DCP2: variants seen among roughly 807,000 people sequenced by gnomAD.
DCP2 encodes decapping mRNA 2.
Under a neutral mutation model 56.1 loss-of-function variants are expected in DCP2, and 30 were observed. That is an observed-to-expected ratio of 0.53 (90% CI 0.40 to 0.73). The LOEUF (loss-of-function observed/expected upper bound fraction) is 0.73, where lower values mean the gene tolerates loss of function less well. Ranked by LOEUF, DCP2 falls within the 30% of genes least tolerant of loss-of-function variation. The pLI is 0.00. For missense variants in DCP2, 533 were observed against 502.7 expected (o/e 1.06, Z -0.58); for synonymous variants, 197 against 163.3 (o/e 1.21, Z -1.57).
rs1749857763 is a variant in DCP2, at chr5:113,015,690, A to C, written c.*2206A>C. The C allele has an allele frequency of 6.6e-6, 1 of 152,664 alleles. No homozygotes were observed. The highest frequency in any genetic ancestry group is 2.4e-5 in the African/African-American group (1 of 41,464). 9.5% of individuals were successfully genotyped at this position (152,664 alleles called of 1,614,324 possible). On this transcript the variant is annotated 3_prime_UTR_variant, in exon 11 of 11. Transcript: ENST00000389063. ...AAAAAATGTTAAAAGATGTGAGTTA[A>C]AGTTTATGTGTGTGATGTGACTTAA...
At chr5:112,984,722 A>ATATATATT (rs1328543744) in intron 1 of DCP2, 7 of 134,318 alleles carry the variant, frequency 5.2e-5, no homozygotes, top group African/African-American at 1.8e-4. Context: ...ATATATATAT[A>ATATATATT]TATTTGAGAC....
Position 112,997,928 on chromosome 5 carries a change from T to A in DCP2, c.433-3156T>A, listed in dbSNP as rs1399824087. On this transcript the variant is annotated intron_variant, in intron 4 of 10. Transcript: ENST00000389063. ...GAGCCTGGCCCTTTGGGTAACACTT[T>A]AAAAAAAATTTTATTTGTGGATTTT... Among the ~76,000 whole-genome samples the A allele has an allele frequency of 3.9e-5, 6 of 152,062 alleles. No individual in the cohort carries two copies. The East Asian group carries it at 1.2e-3, about 29-fold the overall frequency.
At position 113,014,524 on chromosome 5, in the gene DCP2, C is replaced by T. The variant is rs1375336571; in HGVS notation, c.*1040C>T. On this transcript the variant is annotated 3_prime_UTR_variant, in exon 11 of 11. Coordinates refer to ENST00000389063, the MANE Select transcript of DCP2 (RefSeq NM_152624.6). Reference sequence around the variant, plus strand: ...TTACCCAAGTCCAAATAAAGCATTTCACTAGGTTACACGTTATGTATATGT... The same window carrying T: ...TTACCCAAGTCCAAATAAAGCATTTTACTAGGTTACACGTTATGTATATGT... 2 of 152,602 alleles carry T rather than the reference C, an allele frequency of 1.3e-5. No individual in the cohort carries two copies. The highest frequency in any genetic ancestry group is 4.8e-5 in the African/African-American group (2 of 41,432). The allele number at this position is 152,602 out of a possible 1,614,324, so 9.5% of individuals were successfully genotyped here.
At chr5:112,999,220 T>C (rs757617587) in intron 4 of DCP2, among the ~76,000 whole-genome samples, 1 of 152,366 alleles carries the variant, frequency 6.6e-6, no homozygotes, top group East Asian at 1.9e-4. Context: ...TGACTAGCTA[T>C]GTATACTTAT....
At chr5:112,981,668 G>C (rs540462608) in intron 1 of DCP2, among the ~76,000 whole-genome samples, 1 of 152,260 alleles carries the variant, frequency 6.6e-6, no homozygotes, top group South Asian at 2.1e-4. Context: ...TGAATTCTCC[G>C]TTCTTATATC....
At chr5:112,983,048 T>A (rs1748084648) in intron 1 of DCP2, among the ~76,000 whole-genome samples, 2 of 152,192 alleles carry the variant, frequency 1.3e-5, no homozygotes, top group Admixed American at 1.3e-4. Context: ...TGTTGATTAA[T>A]CAAGTTGGGC....
chr5:112,991,166 G>C (rs1403290232), intron 2 of DCP2, among the ~76,000 whole-genome samples: 2 of 152,092 alleles, frequency 1.3e-5, no homozygotes, highest in Non-Finnish European at 2.9e-5. Flanking sequence ...TGGTCATCTA[G>C]ATAATTGAAT....
chr5:112,991,648 G>T (rs556497753), intron 2 of DCP2, among the ~76,000 whole-genome samples: 6 of 152,078 alleles, frequency 3.9e-5, no homozygotes, highest in African/African-American at 1.4e-4. Context: ...TGATGTGATA[G>T]TTTCTTTCTC....
chr5:112,990,150 T>C lies in DCP2; in HGVS notation c.206-1971T>C, dbSNP rs985320311. On this transcript the variant is annotated intron_variant, in intron 2 of 10. Coordinates refer to ENST00000389063, the MANE Select transcript of DCP2 (RefSeq NM_152624.6). ...TGTAGGGAATTGATGGGTTCTGTTA[T>C]GGGCCAGTTGAGTTGATGGTACATG... is the stretch of plus-strand genomic sequence containing the variant. Among the ~76,000 whole-genome samples the C allele has an allele frequency of 2.0e-5, 3 of 152,194 alleles. No homozygotes were observed. The East Asian group carries it at 5.8e-4, about 29-fold the overall frequency.
At position 113,016,088 on chromosome 5, in the gene DCP2, T is replaced by TC. The variant is rs1250790277; in HGVS notation, c.*2604_*2605insC. ...GCAGTGCACTGTGAATCTTTTATTTTTAAAAAAATTTGTAGGTGCTTTTAT... is the reference window on the plus strand; with the variant it reads ...GCAGTGCACTGTGAATCTTTTATTTTCTAAAAAAATTTGTAGGTGCTTTTAT... On this transcript the variant is annotated 3_prime_UTR_variant, in exon 11 of 11. Coordinates refer to ENST00000389063, the MANE Select transcript of DCP2 (RefSeq NM_152624.6). The TC allele has an allele frequency of 2.0e-5, 3 of 152,786 alleles. No individual in the cohort carries two copies. The highest frequency in any genetic ancestry group is 2.9e-5 in the Non-Finnish European group (2 of 68,024). 9.5% of individuals were successfully genotyped at this position (152,786 alleles called of 1,614,324 possible).
At position 113,010,623 on chromosome 5, in the gene DCP2, A is replaced by G. The variant is rs111874665; in HGVS notation, c.1048-133A>G. On this transcript the variant is annotated intron_variant, in intron 9 of 10. Coordinates refer to ENST00000389063, the MANE Select transcript of DCP2 (RefSeq NM_152624.6). ...ACAAAAATACTGGTGAGAGAATGGGATGATGATTATATTCCTGGTTCAGTT... is the reference window on the plus strand; with the variant it reads ...ACAAAAATACTGGTGAGAGAATGGGGTGATGATTATATTCCTGGTTCAGTT... 475 of 1,057,314 alleles carry G rather than the reference A, an allele frequency of 4.5e-4. 2 individuals are homozygous for G. The African/African-American group carries it at 6.9e-3, about 15-fold the overall frequency. 65.5% of individuals were successfully genotyped at this position (1,057,314 alleles called of 1,614,324 possible). A position where few individuals can be genotyped will look rare whatever the true frequency, so the allele number is the denominator to read the frequency against.
chr5:112,986,312 G>A (rs1041980411), intron 2 of DCP2, among the ~76,000 whole-genome samples: 1 of 151,084 alleles, frequency 6.6e-6, no homozygotes, highest in African/African-American at 2.4e-5. Flanking sequence ...TCAGATTACT[G>A]CCTTTCTGAT....
At chr5:113,000,858 C>CTGGT (rs1441667658) in intron 4 of DCP2, among the ~76,000 whole-genome samples, 2 of 152,176 alleles carry the variant, frequency 1.3e-5, no homozygotes, top group African/African-American at 4.8e-5. Context: ...CTACAGTGGA[C>CTGGT]TGGTTCTCTA....
At position 113,019,514 on chromosome 5, in the gene DCP2, G is replaced by C. The variant is rs1055988542; in HGVS notation, c.*6030G>C. ...CACAAGTAATCATTTAATGTTAAATGCAAGTGTCCAAAGAAATGAGTCTTA... is the reference window on the plus strand; with the variant it reads ...CACAAGTAATCATTTAATGTTAAATCCAAGTGTCCAAAGAAATGAGTCTTA... On this transcript the variant is annotated 3_prime_UTR_variant, in exon 11 of 11. Coordinates refer to ENST00000389063, the MANE Select transcript of DCP2 (RefSeq NM_152624.6). 6.6e-6 allele frequency: 1 copy of C among 152,142 alleles called. No individual in the cohort carries two copies. Among genetic ancestry groups the C allele is most frequent in the Non-Finnish European group, 1.5e-5 (1 of 68,026 alleles). 9.4% of individuals were successfully genotyped at this position (152,142 alleles called of 1,614,324 possible).
At chr5:112,999,152 G>A (rs1338582093) in intron 4 of DCP2, among the ~76,000 whole-genome samples, 2 of 152,226 alleles carry the variant, frequency 1.3e-5, no homozygotes, top group South Asian at 4.1e-4. Flanking sequence ...CTCTGCCCAC[G>A]AGGAATTCAG....
At chr5:112,986,306 A>T (rs189267258) in intron 2 of DCP2, among the ~76,000 whole-genome samples, 2 of 151,404 alleles carry the variant, frequency 1.3e-5, no homozygotes, top group Non-Finnish European at 2.9e-5. Flanking sequence ...TTTTAATCAG[A>T]TTACTGCCTT....
Position 113,004,778 on chromosome 5 carries a change from T to C in DCP2, c.942+701T>C, listed in dbSNP as rs555491265. Among the ~76,000 whole-genome samples the C allele has an allele frequency of 5.3e-3, 806 of 152,308 alleles. 4 individuals are homozygous for C. Among genetic ancestry groups the C allele is most frequent in the Non-Finnish European group, 6.9e-3 (470 of 68,022 alleles). On this transcript the variant is annotated intron_variant, in intron 8 of 10. Coordinates refer to ENST00000389063, the MANE Select transcript of DCP2 (RefSeq NM_152624.6). ...TGCACATCTTTACTAATACTTGATG[T>C]TATTTTTTTAATTTCAGGTTTCAAT... is the stretch of plus-strand genomic sequence containing the variant.
chr5:112,994,560 T>C (rs570346527), intron 4 of DCP2, among the ~76,000 whole-genome samples: 87 of 152,358 alleles, frequency 5.7e-4, no homozygotes, highest in South Asian at 1.2e-3. Context: ...ATAGCAGTTA[T>C]TGTCTTTACT....
Position 113,001,245 on chromosome 5 carries a change from C to T in DCP2, c.585+9C>T. On this transcript the variant is annotated intron_variant, in intron 5 of 10. Coordinates refer to ENST00000389063, the MANE Select transcript of DCP2 (RefSeq NM_152624.6). ...CTAGAAGAGAAATTCGGGTATGTAA[C>T]AAGAGTATTTTCAGGTTACTGGACA... is the stretch of plus-strand genomic sequence containing the variant. The T allele has an allele frequency of 6.2e-7, 1 of 1,611,902 alleles. No homozygotes were observed.
Sources: gnomAD v4.1 joint callset for allele counts (sites outside exome capture counted in the v4.1 genomes callset) on GRCh38, gnomAD v4.1.1 for gene constraint, MANE v1.5 for transcripts, NCBI Gene and HGNC (gene_info 2026-07-23, HGNC 2026-07-21) for gene names.